SFTPD: variants seen among roughly 807,000 people sequenced by gnomAD.
SFTPD encodes the protein surfactant protein D, also known as pulmonary surfactant-associated protein D.
Under a neutral mutation model 34.6 loss-of-function variants are expected in SFTPD, and 18 were observed. The ratio of observed to expected loss-of-function variants is 0.52; its 90% CI spans 0.36 to 0.77. SFTPD has a LOEUF of 0.77. SFTPD is among the 30% of genes least tolerant of loss of function. SFTPD has a pLI of 0.00. For synonymous variants in SFTPD, 155 were observed against 180.9 expected, an observed-to-expected ratio of 0.86 and a Z score of 1.15; for missense variants, 433 against 468.9, an observed-to-expected ratio of 0.92 and a Z score of 0.71.
intron 1 of SFTPD, among the ~76,000 whole-genome samples, chr10:79,974,722 T>C (rs2031355918): frequency 6.6e-6 from 1 of 152,252 alleles, no homozygotes; most frequent in Non-Finnish European, 1.5e-5. Flanking sequence ...TGTTTGTATA[T>C]ATACAGATGT....
chr10:79,938,921 G>T (rs1842584927), intron 7 of SFTPD, among the ~76,000 whole-genome samples: 1 of 152,234 alleles, frequency 6.6e-6, no homozygotes, highest in South Asian at 2.1e-4. Flanking sequence ...CATCTGAAGG[G>T]CATGTGTGAG....
upstream of SFTPD, among the ~76,000 whole-genome samples, chr10:79,952,022 T>C (rs907402909): frequency 2.6e-5 from 4 of 152,228 alleles, no homozygotes; most frequent in African/African-American, 9.6e-5. Flanking sequence ...GTCCCGGAGC[T>C]TGTGACCTTC....
intron 1 of SFTPD, among the ~76,000 whole-genome samples, chr10:79,976,394 A>G (rs1842864475): frequency 6.6e-6 from 1 of 152,126 alleles, no homozygotes; most frequent in African/African-American, 2.4e-5. Context: ...ACACATCTGC[A>G]TGCTCCCAGA....
intron 1 of SFTPD, among the ~76,000 whole-genome samples, chr10:79,957,109 A>G (rs1842744660): frequency 6.6e-6 from 1 of 152,132 alleles, no homozygotes; most frequent in African/African-American, 2.4e-5. Flanking sequence ...TAGAAGGAAA[A>G]CTAACAAACA....
chr10:79,967,647 C>T (rs891711205), intron 1 of SFTPD, among the ~76,000 whole-genome samples: 4 of 147,682 alleles, frequency 2.7e-5, no homozygotes, highest in Non-Finnish European at 5.9e-5. Flanking sequence ...GAAATAATGC[C>T]GCATATCTAC....
intron 1 of SFTPD, among the ~76,000 whole-genome samples, chr10:79,960,952 A>G (rs988698584): frequency 9.9e-5 from 15 of 152,202 alleles, no homozygotes; most frequent in Admixed American, 9.8e-4. Context: ...ACAGAGATAT[A>G]GATCAATGGA....
upstream of SFTPD, among the ~76,000 whole-genome samples, chr10:79,951,335 T>A (rs936109816): frequency 2.0e-5 from 3 of 152,210 alleles, no homozygotes; most frequent in African/African-American, 7.2e-5. Context: ...CTTTTGAACT[T>A]ACTCTCATTT....
chr10:79,976,156 C>T (rs1191026079), intron 1 of SFTPD, among the ~76,000 whole-genome samples: 1 of 152,210 alleles, frequency 6.6e-6, no homozygotes, highest in Non-Finnish European at 1.5e-5. Context: ...ACAAGTTTCT[C>T]TTTTGGCAAA....
intron 1 of SFTPD, among the ~76,000 whole-genome samples, chr10:79,974,861 T>C (rs1387133206): frequency 1.3e-5 from 2 of 151,964 alleles, no homozygotes; most frequent in Non-Finnish European, 2.9e-5. Flanking sequence ...AATATAGAGG[T>C]GTAAAGTGGG....
intron 1 of SFTPD, chr10:79,982,336 C>T (rs1339602639): frequency 3.1e-6 from 3 of 978,210 alleles, no homozygotes; most frequent in East Asian, 3.8e-5. Flanking sequence ...CCTCGGGCGG[C>T]GCTGCTGCGA....
chr10:79,974,112 A>T (rs1842850994), intron 1 of SFTPD, among the ~76,000 whole-genome samples: 1 of 152,176 alleles, frequency 6.6e-6, no homozygotes, highest in Non-Finnish European at 1.5e-5. Context: ...CAGCATTAGG[A>T]CTATGCCGTT....
chr10:79,942,293 C>A, intron 4 of SFTPD, 95 bp downstream of exon 4: 2 of 868,942 alleles, frequency 2.3e-6, no homozygotes, highest in Non-Finnish European at 3.8e-6. Context: ...AGGGTCTGGG[C>A]TCTCCCTGGC....
chr10:79,972,976 GGATTGACTCAAT>G (rs1842843827), intron 1 of SFTPD: 2 of 152,212 alleles, frequency 1.3e-5, no homozygotes, highest in Admixed American at 6.5e-5. Flanking sequence ...CATCTCTCAA[GGATTGACTCAAT>G]GAGCTTATAT....
intron 1 of SFTPD, among the ~76,000 whole-genome samples, chr10:79,959,322 C>T (rs886575654): frequency 6.7e-6 from 1 of 150,354 alleles, no homozygotes; most frequent in Non-Finnish European, 1.5e-5. Context: ...AATAGAGACA[C>T]AAAAAACCCT....
chr10:79,942,809 A>T lies in SFTPD; in HGVS notation c.270T>A (p.Asn90Lys). The T allele has an allele frequency of 6.2e-7, 1 of 1,613,860 alleles. No homozygotes were observed. Among genetic ancestry groups the T allele is most frequent in the Non-Finnish European group, 8.5e-7 (1 of 1,179,846 alleles). ...TTGGTCCAGGTTCTCCAACAGAGCC[A>T]TTGTCCCCTTTGGGCCCAACTGGGC... ...QAGPVGPKGD[N>K]GSVGEPGPKG... Residue 90 changes from asparagine (N) to lysine (K), a missense_variant, in exon 3 of 8, where the codon AAT (asparagine) becomes AAA (lysine). Transcript: ENST00000372292.
chr10:79,957,118 C>T (rs546893780), intron 1 of SFTPD, among the ~76,000 whole-genome samples: 11 of 152,100 alleles, frequency 7.2e-5, no homozygotes, highest in Non-Finnish European at 1.5e-4. Context: ...AACTAACAAA[C>T]AGAAAGGACA....
chr10:79,982,279 C>A, intron 1 of SFTPD: 1 of 992,000 alleles, frequency 1.0e-6, no homozygotes, highest in Non-Finnish European at 1.3e-6. Flanking sequence ...CTCGGGCCAC[C>A]GCGGGGCGGT....
intron 1 of SFTPD, among the ~76,000 whole-genome samples, chr10:79,981,347 A>T (rs1161380107): frequency 6.6e-6 from 1 of 152,246 alleles, no homozygotes; most frequent in South Asian, 2.1e-4. Context: ...AATATAAGTT[A>T]TTGGTCTTAA....
At chr10:79,969,274 G>A (rs1475129818) in intron 1 of SFTPD, 1 of 152,168 alleles carries the variant, frequency 6.6e-6, no homozygotes, top group Non-Finnish European at 1.5e-5. Context: ...AGGAGTTAGA[G>A]ACCAGCCTGA....
Sources: allele counts gnomAD v4.1 joint callset (sites outside exome capture counted in the v4.1 genomes callset), GRCh38; gene constraint gnomAD v4.1.1; transcripts MANE v1.5; gene names NCBI Gene and HGNC (gene_info 2026-07-23, HGNC 2026-07-21).